Variants in CPNE4 observed in about 807,000 individuals in gnomAD.
CPNE4 encodes the protein copine 4.
In CPNE4, 25 loss-of-function variants were observed where a neutral mutation model predicts 67.9. That is an observed-to-expected ratio of 0.37 (90% CI 0.27 to 0.51). The LOEUF (loss-of-function observed/expected upper bound fraction) is 0.51, where lower values mean the gene tolerates loss of function less well. CPNE4 is among the 20% of genes least tolerant of loss of function. The pLI is 0.93. For missense variants in CPNE4, 464 were observed against 690.8 expected (o/e 0.67, Z 3.68); for synonymous variants, 242 against 244.9 (o/e 0.99, Z 0.11).
At chr3:131,807,320 G>C (rs9863492) in intron 2 of CPNE4, among the ~76,000 whole-genome samples, 1 of 151,822 alleles carries the variant, frequency 6.6e-6, no homozygotes, top group African/African-American at 2.4e-5. Context: ...TATAGTTTTG[G>C]GTTTTAAAAA....
At chr3:131,958,764 T>C (rs2072067010) in intron 1 of CPNE4, among the ~76,000 whole-genome samples, 1 of 151,426 alleles carries the variant, frequency 6.6e-6, no homozygotes, top group Non-Finnish European at 1.5e-5. Flanking sequence ...GTTCAAGCAA[T>C]TCCCCTGCCT....
intron 2 of CPNE4, among the ~76,000 whole-genome samples, chr3:131,793,889 T>C (rs1037673980): frequency 4.6e-5 from 7 of 152,202 alleles, no homozygotes; most frequent in African/African-American, 7.2e-5. Context: ...ACATATCACA[T>C]GCCCTGTTTC....
chr3:131,967,121 A>AC (rs1257700994), intron 1 of CPNE4, among the ~76,000 whole-genome samples: 1 of 152,214 alleles, frequency 6.6e-6, no homozygotes, highest in African/African-American at 2.4e-5. Flanking sequence ...AATGACAAAA[A>AC]CCACATGATT....
At chr3:131,752,609 G>C (rs2082657689) in intron 2 of CPNE4, among the ~76,000 whole-genome samples, 1 of 152,046 alleles carries the variant, frequency 6.6e-6, no homozygotes, top group African/African-American at 2.4e-5. Context: ...TACATTTAAT[G>C]TTCAAGGTTT....
intron 7 of CPNE4, among the ~76,000 whole-genome samples, chr3:131,630,996 G>A (rs1322365863): frequency 6.6e-6 from 1 of 152,150 alleles, no homozygotes; most frequent in Non-Finnish European, 1.5e-5. Flanking sequence ...AAGCCACTTG[G>A]ACTGTGAGCT....
intron 2 of CPNE4, among the ~76,000 whole-genome samples, chr3:131,835,932 T>A (rs1461455331): frequency 6.6e-6 from 1 of 152,048 alleles, no homozygotes; most frequent in East Asian, 1.9e-4. Flanking sequence ...ATTCCCACAG[T>A]TGGAGAGGAT....
intron 2 of CPNE4, among the ~76,000 whole-genome samples, chr3:131,761,922 C>A (rs1368533552): frequency 6.6e-6 from 1 of 151,978 alleles, no homozygotes; most frequent in Non-Finnish European, 1.5e-5. Flanking sequence ...AATCAGGAGG[C>A]CTTTTTGAGA....
intron 7 of CPNE4, among the ~76,000 whole-genome samples, chr3:131,641,457 C>T (rs1241940113): frequency 6.6e-6 from 1 of 151,926 alleles, no homozygotes; most frequent in Non-Finnish European, 1.5e-5. Context: ...CAAAACAATG[C>T]AATGCAATAC....
At chr3:131,556,684 A>G (rs1035467323) in intron 11 of CPNE4, among the ~76,000 whole-genome samples, 1 of 152,074 alleles carries the variant, frequency 6.6e-6, no homozygotes, top group African/African-American at 2.4e-5. Flanking sequence ...TGTGGCTATG[A>G]AAAGAAGGGA....
intron 1 of CPNE4, among the ~76,000 whole-genome samples, chr3:131,942,696 G>A (rs2071436230): frequency 6.6e-6 from 1 of 151,954 alleles, no homozygotes; most frequent in Non-Finnish European, 1.5e-5. Context: ...TTTTCTTTGG[G>A]ACAAAGGACT....
chr3:131,561,999 GA>G (rs1936797897), intron 11 of CPNE4, among the ~76,000 whole-genome samples: 1 of 151,872 alleles, frequency 6.6e-6, no homozygotes, highest in South Asian at 2.1e-4. Context: ...TCTTTATATG[GA>G]AAAAAGAATT....
intron 14 of CPNE4, among the ~76,000 whole-genome samples, chr3:131,546,373 G>A (rs1035142288): frequency 6.6e-6 from 1 of 152,154 alleles, no homozygotes; most frequent in African/African-American, 2.4e-5. Context: ...TTGAGGTCCT[G>A]TTTAGATAAA....
chr3:131,553,446 G>A (rs1936294210), intron 12 of CPNE4, among the ~76,000 whole-genome samples: 1 of 151,990 alleles, frequency 6.6e-6, no homozygotes, highest in Admixed American at 6.6e-5. Flanking sequence ...TGCCTTGCTT[G>A]CCCAAGTGAC....
intron 2 of CPNE4, among the ~76,000 whole-genome samples, chr3:131,738,854 C>CTTTTTT (rs34053204): frequency 5.0e-5 from 7 of 140,136 alleles, no homozygotes; most frequent in Non-Finnish European, 9.2e-5. Context: ...TTTTCTTTTT[C>CTTTTTT]TTTTTTTTTT....
At chr3:131,552,139 TG>T (rs1477401486) in intron 13 of CPNE4, among the ~76,000 whole-genome samples, 1 of 151,110 alleles carries the variant, frequency 6.6e-6, no homozygotes, top group African/African-American at 2.4e-5. Flanking sequence ...GCCTACCAGG[TG>T]AAGTTTCATT....
chr3:131,560,030 A>T (rs1022755601), intron 11 of CPNE4, among the ~76,000 whole-genome samples: 3 of 152,072 alleles, frequency 2.0e-5, no homozygotes, highest in Non-Finnish European at 4.4e-5. Flanking sequence ...CATTTTAAAG[A>T]TCATTGGTCC....
intron 2 of CPNE4, among the ~76,000 whole-genome samples, chr3:131,754,588 T>C (rs2082709726): frequency 1.3e-5 from 2 of 152,202 alleles, no homozygotes; most frequent in African/African-American, 4.8e-5. Context: ...ATTCTGATTC[T>C]TTGTATGTAT....
chr3:131,871,335 G>C (rs1171138686), intron 2 of CPNE4, among the ~76,000 whole-genome samples: 1 of 152,066 alleles, frequency 6.6e-6, no homozygotes, highest in Non-Finnish European at 1.5e-5. Flanking sequence ...AGAGTTGCTG[G>C]AAATTGAAAT....
chr3:131,909,928 C>T (rs930250686), intron 1 of CPNE4, among the ~76,000 whole-genome samples: 4 of 151,908 alleles, frequency 2.6e-5, no homozygotes, highest in African/African-American at 9.7e-5. Context: ...ATAAATGATT[C>T]AGAAATTTTA....
Sources: gnomAD v4.1 joint callset for allele counts (sites outside exome capture counted in the v4.1 genomes callset) on GRCh38, gnomAD v4.1.1 for gene constraint, MANE v1.5 for transcripts, NCBI Gene and HGNC (gene_info 2026-07-23, HGNC 2026-07-21) for gene names.